USP16: variants seen among roughly 807,000 people sequenced by gnomAD.
USP16 encodes the protein ubiquitin carboxyl-terminal hydrolase 16.
USP16 carries 77 observed loss-of-function variants against 95.9 expected under a neutral mutation model. The observed-to-expected ratio is 0.80, with a 90% CI of 0.67 to 0.97. USP16 has a LOEUF of 0.97. Among genes scored for constraint, USP16 ranks in the 50% least tolerant of loss-of-function variants. The pLI is 0.00. For synonymous variants in USP16, 303 were observed against 318.2 expected, an observed-to-expected ratio of 0.95 and a Z score of 0.51; for missense variants, 943 against 959.9, an observed-to-expected ratio of 0.98 and a Z score of 0.23.
chr21:29,029,224 T>C (rs1396018565), intron 2 of USP16, among the ~76,000 whole-genome samples: 3 of 152,174 alleles, frequency 2.0e-5, no homozygotes, highest in Non-Finnish European at 4.4e-5. Context: ...CCATCCTGGC[T>C]AACACGGTGA....
At chr21:29,036,586 G>A (rs1036382908) in intron 5 of USP16, among the ~76,000 whole-genome samples, 6 of 152,200 alleles carry the variant, frequency 3.9e-5, no homozygotes, top group Non-Finnish European at 8.8e-5. Flanking sequence ...ATAGACTAAG[G>A]TAATGGCCAT....
In USP16 at chr21:29,046,885, A is replaced by G. The variant is rs559009761; in HGVS notation, c.1575A>G (p.Val525=). 1.2e-6 allele frequency: 2 copies of G among 1,614,188 alleles called. No homozygotes were observed. Among genetic ancestry groups the G allele is most frequent in the South Asian group, 2.2e-5 (2 of 91,084 alleles). ...LNGQAKMIES[V]TDNQKSTEEV... is the part of the protein sequence containing the mutation. ...GCCAAGCAAAAATGATCGAAAGTGT[A>G]ACTGACAATCAAAAATCCACAGAGG... The change falls in exon 14 of 18, where the codon GTA becomes GTG. Residue 525 remains valine (V), a synonymous_variant. Coordinates refer to ENST00000399976, the MANE Select transcript of USP16 (RefSeq NM_006447.3).
At chr21:29,047,343 A>G (rs200527231) in intron 14 of USP16, 22 bp downstream of exon 14, 37 of 1,577,954 alleles carry the variant, frequency 2.3e-5, no homozygotes, top group Non-Finnish European at 3.0e-5. Context: ...CTCTCACTGT[A>G]AGTAAAATTA....
Position 29,046,989 on chromosome 21 carries a change from C to T in USP16, c.1679C>T (p.Ala560Val). 6.2e-7 allele frequency: 1 copy of T among 1,614,012 alleles called. No homozygotes were observed. The highest frequency in any genetic ancestry group is 8.5e-7 in the Non-Finnish European group (1 of 1,180,016). The stretch of plus-strand genomic sequence containing the variant: ...TCTCCCACTAGGAATTTAAATGGTG[C>T]CTACCTAACGGAAGGGAGCAATGGA... ...TSSPTRNLNG[A>V]YLTEGSNGEV... The change falls in exon 14 of 18, where the codon GCC becomes GTC. Residue 560 changes from alanine (A) to valine (V), a missense_variant. Ala to Val is a moderately conservative substitution (Grantham distance 64, BLOSUM62 0). Coordinates refer to ENST00000399976, the MANE Select transcript of USP16 (RefSeq NM_006447.3).
rs1206763285 is a variant in USP16 at position 29,053,884 on chromosome 21, A to G, written c.2276A>G (p.Tyr759Cys). Residue 759 changes from tyrosine to cysteine, a missense_variant, in exon 17 of 18, where the codon TAC becomes TGC. Physicochemically the swap from Tyr to Cys is radical, Grantham distance 194 (BLOSUM62 -2). Coordinates refer to ENST00000399976, the MANE Select transcript of USP16 (RefSeq NM_006447.3). ...EHSGTMRSGH[Y>C]TAYAKARTAN... ...AGTGGTACTATGAGGTCGGGGCATT[A>G]CACTGCCTATGCCAAGGCAAGAACC... The G allele has an allele frequency of 6.2e-7, 1 of 1,614,270 alleles. No individual in the cohort carries two copies. The highest frequency in any genetic ancestry group is 1.7e-5 in the Admixed American group (1 of 60,028).
chr21:29,038,984 C>T (rs754412387), intron 7 of USP16, 42 bp from the exon 8 acceptor site: 12 of 1,448,546 alleles, frequency 8.3e-6, no homozygotes, highest in East Asian at 5.1e-5. Context: ...TCAGTGATTC[C>T]AGAATTTGAC....
chr21:29,041,117 A>G (rs2085237205), intron 10 of USP16, among the ~76,000 whole-genome samples: 1 of 152,160 alleles, frequency 6.6e-6, no homozygotes, highest in Non-Finnish European at 1.5e-5. Flanking sequence ...AGAAGCAACT[A>G]GGCACGTGTG....
Position 29,046,916 on chromosome 21 carries a change from G to T in USP16, c.1606G>T (p.Asp536Tyr). The T allele has an allele frequency of 6.2e-7, 1 of 1,614,126 alleles. No homozygotes were observed. The highest frequency in any genetic ancestry group is 8.5e-7 in the Non-Finnish European group (1 of 1,180,022). The change falls in exon 14 of 18, where the codon GAT becomes TAT. Residue 536 changes from aspartate to tyrosine, a missense_variant. Physicochemically the swap from Asp to Tyr is radical, Grantham distance 160. Transcript: ENST00000399976. The part of the protein sequence containing the change: ...TDNQKSTEEV[D>Y]MKNINMDNDL... ...CAATCAAAAATCCACAGAGGAAGTA[G>T]ATATGAAAAATATCAACATGGATAA...
At chr21:29,053,076 A>G (rs983141921) in intron 16 of USP16, 4 of 152,396 alleles carry the variant, frequency 2.6e-5, no homozygotes, top group East Asian at 1.9e-4. Context: ...AATGGCATTT[A>G]AAGTCCTGTG....
Position 29,030,576 on chromosome 21 carries a change from CTATTATTTGT to C in USP16, c.62-17_62-8del. 1 of 1,540,818 alleles carries C rather than the reference CTATTATTTGT, an allele frequency of 6.5e-7. No homozygotes were observed. The highest frequency in any genetic ancestry group is 1.3e-5 in the South Asian group (1 of 79,038). On this transcript the variant is annotated splice_polypyrimidine_tract_variant and intron_variant, in intron 2 of 17. Transcript: ENST00000399976. ...ATTTTTGACCTTATATATTCCTTGT[CTATTATTTGT>C]TTTAATAGAACCTGTGTGCAGACAC...
At chr21:29,052,010 G>C (rs1016583810) in intron 16 of USP16, 3 of 152,168 alleles carry the variant, frequency 2.0e-5, no homozygotes, top group Non-Finnish European at 2.9e-5. Context: ...TACATTATAG[G>C]ATTCAGGGTG....
intron 3 of USP16, among the ~76,000 whole-genome samples, chr21:29,034,614 G>A (rs761579953): frequency 2.0e-5 from 3 of 152,110 alleles, no homozygotes; most frequent in Non-Finnish European, 4.4e-5. Context: ...ACCGCGCCTA[G>A]CGAGTGCATG....
At chr21:29,053,455 A>T (rs1248921220) in intron 16 of USP16, 1 of 189,346 alleles carries the variant, frequency 5.3e-6, no homozygotes, top group East Asian at 1.3e-4. Flanking sequence ...ACCTTTTTTT[A>T]AACAGGGTAT....
chr21:29,034,243 G>A (rs1312691894), intron 3 of USP16, among the ~76,000 whole-genome samples: 1 of 151,994 alleles, frequency 6.6e-6, no homozygotes, highest in African/African-American at 2.4e-5. Context: ...GACTGCATTA[G>A]TGTGGTTTAA....
chr21:29,039,029 C>A lies in USP16; in HGVS notation c.736C>A (p.Pro246Thr). The A allele has an allele frequency of 6.6e-7, 1 of 1,525,800 alleles. No homozygotes were observed. The highest frequency in any genetic ancestry group is 8.8e-7 in the Non-Finnish European group (1 of 1,137,664). 94.5% of individuals were successfully genotyped at this position (1,525,800 alleles called of 1,614,324 possible). A position where few individuals can be genotyped will look rare whatever the true frequency, so the allele number is the denominator to read the frequency against. Residue 246 changes from proline (P) to threonine (T), a missense_variant, in exon 8 of 18, where the codon CCA (proline) becomes ACA (threonine). Physicochemically the swap from Pro to Thr is conservative, Grantham distance 38. Coordinates refer to ENST00000399976, the MANE Select transcript of USP16 (RefSeq NM_006447.3). Reference protein sequence around the residue: ...IEPPDLALTEPLEINLEPPGP... With the variant: ...IEPPDLALTETLEINLEPPGP... Reference sequence around the variant, plus strand: ...TAATTTCTTTTCCCATATTCAGGAACCATTAGAAATAAACCTTGAGCCTCC... The same window carrying A: ...TAATTTCTTTTCCCATATTCAGGAAACATTAGAAATAAACCTTGAGCCTCC...
In USP16 at chr21:29,039,428, T is replaced by A. The variant is rs370331604; in HGVS notation, c.864-53T>A. ...GATCCTAAGATTTTCTAAAAATAGC[T>A]TCAGAGCTTAGTAGACTGAAGATTG... is the stretch of plus-strand genomic sequence containing the variant. On this transcript the variant is annotated intron_variant, in intron 8 of 17. Coordinates refer to ENST00000399976, the MANE Select transcript of USP16 (RefSeq NM_006447.3). 2.5e-4 allele frequency: 394 copies of A among 1,567,040 alleles called. 1 individual carries two copies. The highest frequency in any genetic ancestry group is 3.3e-4 in the Non-Finnish European group (376 of 1,148,544).
intron 2 of USP16, 81 bp from the exon 3 acceptor site, chr21:29,030,514 A>G: frequency 8.0e-7 from 1 of 1,247,618 alleles, no homozygotes. Context: ...TTGAAATGTG[A>G]ATCGAGGGTA....
intron 2 of USP16, among the ~76,000 whole-genome samples, chr21:29,029,580 C>T (rs2085048509): frequency 6.6e-6 from 1 of 152,154 alleles, no homozygotes; most frequent in Admixed American, 6.5e-5. Context: ...GTTTCTAAAC[C>T]TCCAGTGTTC....
chr21:29,027,861 C>T lies in USP16; in HGVS notation c.-41-12C>T. On this transcript the variant is annotated splice_polypyrimidine_tract_variant and intron_variant, in intron 1 of 17. Transcript: ENST00000399976. ...TTTTTTTTGGTCAAGCTAACTTTATCTTGTTTTCTAGATTGTTATTTTGTG... is the reference window on the plus strand; with the variant it reads ...TTTTTTTTGGTCAAGCTAACTTTATTTTGTTTTCTAGATTGTTATTTTGTG... 1.2e-6 allele frequency: 2 copies of T among 1,603,888 alleles called. No individual in the cohort carries two copies. Among genetic ancestry groups the T allele is most frequent in the Non-Finnish European group, 1.7e-6 (2 of 1,171,830 alleles).
Sources: gnomAD v4.1 joint callset for allele counts (sites outside exome capture counted in the v4.1 genomes callset) on GRCh38, gnomAD v4.1.1 for gene constraint, MANE v1.5 for transcripts, NCBI Gene and HGNC (gene_info 2026-07-23, HGNC 2026-07-21) for gene names.